The following ATP11C variants were observed in gnomAD, a reference collection of about 807,000 sequenced individuals.
ATP11C encodes the protein phospholipid-transporting ATPase IG.
Under a neutral mutation model 97.4 loss-of-function variants are expected in ATP11C, and 36 were observed. The ratio of observed to expected loss-of-function variants is 0.37; its 90% CI spans 0.28 to 0.49. The LOEUF is 0.49. Among genes scored for constraint, ATP11C ranks in the 20% least tolerant of loss-of-function variants. The pLI is 0.98. For missense variants in ATP11C, 730 were observed against 824.6 expected (o/e 0.89, Z 1.40); for synonymous variants, 275 against 290.9 (o/e 0.95, Z 0.56).
At position 139,741,101 on chromosome X, in the gene ATP11C, A is replaced by G. The variant is rs780497379; in HGVS notation, c.3031-7T>C. ...ATCGGGTATCCAAGGCAAGCTGAAA[A>G]GATACAACACAAAAGATTTCACGAC... On this transcript the variant is annotated splice_polypyrimidine_tract_variant and splice_region_variant and intron_variant, in intron 26 of 29. Coordinates refer to ENST00000682941, the MANE Select transcript of ATP11C (RefSeq NM_001353812.2). 8.6e-5 allele frequency: 97 copies of G among 1,129,701 alleles called. No individual in the cohort carries two copies. The highest frequency in any genetic ancestry group is 1.1e-4 in the Non-Finnish European group (90 of 823,051). The allele number at this position is 1,129,701 out of a possible 1,213,427, so 93.1% of individuals were successfully genotyped here. A position where few individuals can be genotyped will look rare whatever the true frequency, so the allele number is the denominator to read the frequency against.
chrX:139,740,856 G>C, intron 27 of ATP11C, 135 bp downstream of exon 27: 1 of 426,885 alleles, frequency 2.3e-6, no homozygotes, highest in South Asian at 4.4e-5. Context: ...TAACCTTCAG[G>C]CCATTAATAT....
chrX:139,796,125 C>T (rs921658820), intron 12 of ATP11C, 148 bp downstream of exon 12: 2 of 380,935 alleles, frequency 5.3e-6, no homozygotes, highest in African/African-American at 5.2e-5. Context: ...GAAAACACTG[C>T]TTACCTTCAT....
In ATP11C at chrX:139,742,893, ATATATATATATATATATAT is replaced by A. The variant is rs1569426329; in HGVS notation, c.3030+647_3030+665del. On this transcript the variant is annotated intron_variant, in intron 26 of 29. Transcript: ENST00000682941. ...AAAAAAAAAATATATATATATATAT[ATATATATATATATATATAT>A]AAAAATAGAGACAGGGTCTTGCTAT... 0.013 allele frequency among the ~76,000 whole-genome samples: 170 copies of A among 12,939 alleles called. 1 individual carries two copies. The East Asian group carries it at 0.17, about 13-fold the overall frequency. 11.2% of individuals were successfully genotyped at this position (12,939 alleles called of 115,157 possible).
At chrX:139,773,608 T>C (rs1052332633) in intron 19 of ATP11C, among the ~76,000 whole-genome samples, 1 of 112,590 alleles carries the variant, frequency 8.9e-6, no homozygotes, top group African/African-American at 3.2e-5. Flanking sequence ...AGAAGTACCA[T>C]TTGGCTAAAG....
At chrX:139,746,397 T>C (rs1284973389) in intron 24 of ATP11C, among the ~76,000 whole-genome samples, 1 of 111,615 alleles carries the variant, frequency 9.0e-6, no homozygotes, top group African/African-American at 3.3e-5. Flanking sequence ...AGCCCACCAG[T>C]TGATTTCAAT....
At chrX:139,731,010 T>C (rs899863007) in intron 29 of ATP11C, among the ~76,000 whole-genome samples, 2 of 111,292 alleles carry the variant, frequency 1.8e-5, no homozygotes, top group African/African-American at 6.5e-5. Context: ...TAGGCAAGCA[T>C]CCCCCTGAAT....
At chrX:139,781,610 C>G (rs1022802025) in intron 18 of ATP11C, among the ~76,000 whole-genome samples, 1 of 111,272 alleles carries the variant, frequency 9.0e-6, no homozygotes, top group Non-Finnish European at 1.9e-5. Flanking sequence ...CTAGCTACCC[C>G]GGTGGCTGAG....
chrX:139,932,167 C>T lies in ATP11C; in HGVS notation c.-125G>A. 5 of 575,563 alleles carry T rather than the reference C, an allele frequency of 8.7e-6. No homozygotes were observed. Among genetic ancestry groups the T allele is most frequent in the Non-Finnish European group, 8.9e-6 (4 of 447,598 alleles). 47.4% of individuals were successfully genotyped at this position (575,563 alleles called of 1,213,427 possible). A position where few individuals can be genotyped will look rare whatever the true frequency, so the allele number is the denominator to read the frequency against. On this transcript the variant is annotated 5_prime_UTR_variant, in exon 1 of 30. Transcript: ENST00000682941. ...GGAGCAGCGAGGCGGGCGGCCGGGC[C>T]ACCCGCTCGCCGCCTGCCCCCCTCG...
At chrX:139,799,222 G>A (rs770038638) in intron 8 of ATP11C, among the ~76,000 whole-genome samples, 136 of 111,819 alleles carry the variant, frequency 1.2e-3, no homozygotes, top group Non-Finnish European at 2.2e-3. Flanking sequence ...AAGTGGAAAA[G>A]TTGCGGTAAT....
intron 5 of ATP11C, among the ~76,000 whole-genome samples, chrX:139,808,723 A>AT (rs2083100531): frequency 1.8e-5 from 2 of 112,648 alleles, no homozygotes; most frequent in Non-Finnish European, 3.7e-5. Context: ...CTCTTCATGG[A>AT]TAAAAAATAA....
At chrX:139,738,415 A>AT (rs2081489867) in intron 27 of ATP11C, among the ~76,000 whole-genome samples, 2 of 112,042 alleles carry the variant, frequency 1.8e-5, no homozygotes, top group South Asian at 7.4e-4. Flanking sequence ...CCTAACAAGC[A>AT]TTTTATTTCC....
chrX:139,817,163 C>A (rs1238914543), intron 3 of ATP11C, among the ~76,000 whole-genome samples: 1 of 112,236 alleles, frequency 8.9e-6, no homozygotes, highest in East Asian at 2.8e-4. Context: ...CTTGGATTAA[C>A]CCCTTTATTG....
intron 1 of ATP11C, among the ~76,000 whole-genome samples, chrX:139,918,553 G>A (rs1210989440): frequency 3.9e-5 from 4 of 102,047 alleles, no homozygotes; most frequent in Non-Finnish European, 8.0e-5. Flanking sequence ...ACCCGGGGCG[G>A]GGGTGGGGGT....
At chrX:139,926,286 C>A (rs776047059) in intron 1 of ATP11C, among the ~76,000 whole-genome samples, 26 of 111,472 alleles carry the variant, frequency 2.3e-4, no homozygotes, top group Non-Finnish European at 4.0e-4. Flanking sequence ...ACAGGAAATT[C>A]CACCACCTTG....
chrX:139,826,722 A>G lies in ATP11C; in HGVS notation c.129T>C (p.Asn43=). 1 of 1,206,011 alleles carries G rather than the reference A, an allele frequency of 8.3e-7. No homozygotes were observed. The highest frequency in any genetic ancestry group is 1.1e-6 in the Non-Finnish European group (1 of 891,156). ...AACTTACCTTAGATGAGACTATTCT[A>G]TTATCACAAAATCTTTGTGCAATGT... ...EAYIAQRFCD[N]RIVSSKYTLW... Residue 43 remains asparagine, a synonymous_variant, in exon 2 of 30, where the codon AAT becomes AAC. Transcript: ENST00000682941.
intron 1 of ATP11C, among the ~76,000 whole-genome samples, chrX:139,893,997 C>G (rs757554654): frequency 9.0e-6 from 1 of 110,767 alleles, no homozygotes; most frequent in Non-Finnish European, 1.9e-5. Context: ...ATACTTGATA[C>G]GACAGAATGG....
intron 29 of ATP11C, among the ~76,000 whole-genome samples, chrX:139,729,326 A>G (rs1183824921): frequency 5.4e-5 from 6 of 111,423 alleles, no homozygotes; most frequent in Admixed American, 1.9e-4. Context: ...TTTACCTTCT[A>G]TCTCCAGCAG....
chrX:139,798,989 G>A (rs986795636), intron 8 of ATP11C, among the ~76,000 whole-genome samples: 1 of 109,582 alleles, frequency 9.1e-6, no homozygotes, highest in Non-Finnish European at 1.9e-5. Flanking sequence ...AAAAATACAT[G>A]GGGGGGGATA....
intron 5 of ATP11C, among the ~76,000 whole-genome samples, chrX:139,805,292 A>C (rs1410668778): frequency 8.9e-6 from 1 of 111,790 alleles, no homozygotes; most frequent in Non-Finnish European, 1.9e-5. Flanking sequence ...TAAGTAAATC[A>C]TAACCATTAA....
Sources: allele counts gnomAD v4.1 joint callset (sites outside exome capture counted in the v4.1 genomes callset), GRCh38; gene constraint gnomAD v4.1.1; transcripts MANE v1.5; gene names NCBI Gene and HGNC (gene_info 2026-07-23, HGNC 2026-07-21).